Variants in CDHR3 observed in about 807,000 individuals in gnomAD.
CDHR3 encodes cadherin-related family member 3.
CDHR3 carries 79 observed loss-of-function variants against 86.6 expected under a neutral mutation model. The observed-to-expected ratio is 0.91, with a 90% CI of 0.76 to 1.10. CDHR3 has a LOEUF of 1.10. CDHR3 is among the 50% of genes least tolerant of loss of function. CDHR3 has a pLI of 0.00. For missense variants in CDHR3, 1,081 were observed against 1,077.6 expected, an observed-to-expected ratio of 1.00 and a Z score of -0.04; for synonymous variants, 421 against 402.4, an observed-to-expected ratio of 1.05 and a Z score of -0.55.
chr7:106,032,388 A>C lies in CDHR3; in HGVS notation c.2354-5A>C. 6.3e-7 allele frequency: 1 copy of C among 1,593,140 alleles called. No individual in the cohort carries two copies. Among genetic ancestry groups the C allele is most frequent in the Non-Finnish European group, 8.5e-7 (1 of 1,169,678 alleles). ...TATGTGATTGTTGTATTTTTTTTTC[A>C]CTAGTGACCGGGGAAACATATGAAT... On this transcript the variant is annotated splice_region_variant and splice_polypyrimidine_tract_variant and intron_variant, in intron 18 of 18. Coordinates refer to ENST00000317716, the MANE Select transcript of CDHR3 (RefSeq NM_152750.5).
At position 105,974,982 on chromosome 7, in the gene CDHR3, T is replaced by C. The variant is rs755616694; in HGVS notation, c.185T>C (p.Ile62Thr). Residue 62 changes from isoleucine to threonine, a missense_variant, in exon 2 of 19, where the codon ATA becomes ACA. Ile to Thr is a moderately conservative substitution (Grantham distance 89). Transcript: ENST00000317716. ...LSPVIPGFPQ[I>T]VNSNPLTEAF... ...CCTGTGATCCCAGGATTTCCCCAGA[T>C]AGTCAACTCAAATCCCCTCACTGAA... 3.1e-6 allele frequency: 5 copies of C among 1,613,972 alleles called. No homozygotes were observed. Among genetic ancestry groups the C allele is most frequent in the South Asian group, 2.2e-5 (2 of 91,080 alleles).
chr7:105,986,272 G>C (rs1830510386), intron 4 of CDHR3, among the ~76,000 whole-genome samples: 2 of 152,216 alleles, frequency 1.3e-5, no homozygotes, highest in Admixed American at 1.3e-4. Context: ...GATAAGGTCA[G>C]AAACCCAAAG....
At chr7:106,015,860 A>T in intron 10 of CDHR3, 67 bp from the exon 11 acceptor site, 1 of 1,161,666 alleles carries the variant, frequency 8.6e-7, no homozygotes, top group South Asian at 1.3e-5. Flanking sequence ...GATTCTTTAA[A>T]GATGTTGAAT....
intron 8 of CDHR3, among the ~76,000 whole-genome samples, chr7:106,007,932 T>C (rs1834186946): frequency 6.6e-6 from 1 of 152,212 alleles, no homozygotes; most frequent in East Asian, 1.9e-4. Context: ...AGAGGTTTAA[T>C]GGGCTTACAG....
At position 106,017,894 on chromosome 7, in the gene CDHR3, A is replaced by C; in HGVS notation, c.1475A>C (p.Gln492Pro). 6.2e-7 allele frequency: 1 copy of C among 1,606,214 alleles called. No individual in the cohort carries two copies. The highest frequency in any genetic ancestry group is 8.5e-7 in the Non-Finnish European group (1 of 1,176,190). The stretch of plus-strand genomic sequence containing the variant: ...CGAGCCACTGATAAAGACCTCCCCC[A>C]GAGCAGCCTCCTGTACTCCATCTCC... The part of the protein sequence containing the change: ...QVRATDKDLP[Q>P]SSLLYSISTG... The change falls in exon 12 of 19, where the codon CAG (glutamine) becomes CCG (proline). Residue 492 changes from glutamine (Q) to proline (P), a missense_variant. Physicochemically the swap from Gln to Pro is moderately conservative, Grantham distance 76. Coordinates refer to ENST00000317716, the MANE Select transcript of CDHR3 (RefSeq NM_152750.5).
intron 1 of CDHR3, among the ~76,000 whole-genome samples, chr7:105,969,281 C>G (rs1040767931): frequency 3.3e-5 from 5 of 149,956 alleles, no homozygotes; most frequent in Admixed American, 3.3e-4. Flanking sequence ...CGCCTGTAGT[C>G]CCAGCTACTC....
At chr7:105,967,928 T>C (rs1443302495) in intron 1 of CDHR3, among the ~76,000 whole-genome samples, 7 of 152,262 alleles carry the variant, frequency 4.6e-5, no homozygotes, top group Non-Finnish European at 1.0e-4. Context: ...TGATGGTAGT[T>C]TCTTTTGCTG....
At chr7:105,997,835 G>A (rs1563263662) in intron 6 of CDHR3, among the ~76,000 whole-genome samples, 1 of 152,078 alleles carries the variant, frequency 6.6e-6, no homozygotes, top group Non-Finnish European at 1.5e-5. Context: ...CGCTGGCGTG[G>A]GATGCACCCA....
At chr7:105,972,795 TTC>T (rs1485624110) in intron 1 of CDHR3, among the ~76,000 whole-genome samples, 1 of 152,212 alleles carries the variant, frequency 6.6e-6, no homozygotes, top group Non-Finnish European at 1.5e-5. Context: ...GTTTTGATAT[TTC>T]TGAGTCCTTG....
intron 8 of CDHR3, among the ~76,000 whole-genome samples, chr7:106,005,647 C>T (rs1447582944): frequency 6.6e-6 from 1 of 152,182 alleles, no homozygotes; most frequent in Non-Finnish European, 1.5e-5. Flanking sequence ...AAGTTTTCTC[C>T]AGGCGACTCT....
intron 8 of CDHR3, among the ~76,000 whole-genome samples, chr7:106,009,190 T>G (rs1256888675): frequency 6.6e-6 from 1 of 152,176 alleles, no homozygotes; most frequent in Non-Finnish European, 1.5e-5. Context: ...AAGGCTCAAG[T>G]TCCCTCTTTG....
intron 8 of CDHR3, among the ~76,000 whole-genome samples, chr7:106,011,381 A>G (rs1188069333): frequency 2.6e-5 from 4 of 152,108 alleles, no homozygotes; most frequent in African/African-American, 9.6e-5. Flanking sequence ...CTCTCTTGTT[A>G]CTTTTGGAAC....
At chr7:105,967,718 T>C (rs1244152258) in intron 1 of CDHR3, among the ~76,000 whole-genome samples, 1 of 152,238 alleles carries the variant, frequency 6.6e-6, no homozygotes, top group Non-Finnish European at 1.5e-5. Flanking sequence ...ATAATGAGCA[T>C]TTTTTCATGT....
intron 1 of CDHR3, among the ~76,000 whole-genome samples, chr7:105,972,636 G>C (rs1828161648): frequency 6.6e-6 from 1 of 152,132 alleles, no homozygotes. Context: ...TGCTCATTTT[G>C]AAAAACTGTT....
At chr7:106,026,877 G>A (rs1420972276) in intron 16 of CDHR3, among the ~76,000 whole-genome samples, 182 bp downstream of exon 16, 1 of 152,146 alleles carries the variant, frequency 6.6e-6, no homozygotes, top group East Asian at 1.9e-4. Flanking sequence ...AAGGGTGGGG[G>A]GACAGTGCCT....
chr7:106,026,004 C>T (rs528246426), intron 15 of CDHR3, among the ~76,000 whole-genome samples: 15 of 152,208 alleles, frequency 9.9e-5, no homozygotes, highest in South Asian at 6.2e-4. Flanking sequence ...TATGGCTAAA[C>T]GTTAAATATG....
intron 12 of CDHR3, among the ~76,000 whole-genome samples, chr7:106,019,597 T>G (rs1032438424): frequency 6.6e-6 from 1 of 152,230 alleles, no homozygotes; most frequent in Non-Finnish European, 1.5e-5. Context: ...TCTATGATTC[T>G]GTGCTGGCAG....
chr7:105,994,696 G>A lies in CDHR3; in HGVS notation c.514-55G>A, dbSNP rs1238693276. 16 of 1,176,524 alleles carry A rather than the reference G, an allele frequency of 1.4e-5. No homozygotes were observed. The Admixed American group carries it at 3.1e-4, about 23-fold the overall frequency. 72.9% of individuals were successfully genotyped at this position (1,176,524 alleles called of 1,614,324 possible). A position where few individuals can be genotyped will look rare whatever the true frequency, so the allele number is the denominator to read the frequency against. ...TAGGAAATGAGCACACACATCTTCT[G>A]GGGAAGGGTGGGCAGGTGGGCTGAT... On this transcript the variant is annotated intron_variant, in intron 4 of 18. Transcript: ENST00000317716.
At chr7:106,028,993 T>TTTCTTTC (rs1837911536) in intron 17 of CDHR3, among the ~76,000 whole-genome samples, 1 of 149,710 alleles carries the variant, frequency 6.7e-6, no homozygotes, top group African/African-American at 2.5e-5. Context: ...TCTTTCTTTC[T>TTTCTTTC]TTTTAAGACA....
Sources: allele counts gnomAD v4.1 joint callset (sites outside exome capture counted in the v4.1 genomes callset), GRCh38; gene constraint gnomAD v4.1.1; transcripts MANE v1.5; gene names NCBI Gene and HGNC (gene_info 2026-07-23, HGNC 2026-07-21).